The following MSRA variants were observed in gnomAD, a reference collection of about 807,000 sequenced individuals.
MSRA encodes mitochondrial peptide methionine sulfoxide reductase.
In MSRA, 54 loss-of-function variants were observed where a neutral mutation model predicts 31.3. The observed-to-expected ratio is 1.73, with a 90% confidence interval of 1.39 to 2.17. The LOEUF is 2.17. MSRA is among the 30% of genes most tolerant of loss of function. MSRA has a pLI of 0.00. For missense variants in MSRA, 507 were observed against 300.9 expected, an observed-to-expected ratio of 1.69 and a Z score of -5.07; for synonymous variants, 169 against 116.5, an observed-to-expected ratio of 1.45 and a Z score of -2.90.
At chr8:10,333,139 G>A (rs1802803631) in intron 5 of MSRA, among the ~76,000 whole-genome samples, 1 of 152,130 alleles carries the variant, frequency 6.6e-6, no homozygotes, top group African/African-American at 2.4e-5. Context: ...AAATAATCCT[G>A]GCCAACATAG....
intron 5 of MSRA, chr8:10,337,883 A>G (rs1563366942): frequency 1.0e-5 from 7 of 691,454 alleles, no homozygotes; most frequent in Admixed American, 4.1e-5. Flanking sequence ...ACAAATGCAC[A>G]CATTCTTTGT....
intron 1 of MSRA, among the ~76,000 whole-genome samples, chr8:10,179,246 T>G (rs1806328919): frequency 6.6e-6 from 1 of 152,122 alleles, no homozygotes. Context: ...ATTACCCAGT[T>G]TTTTGAAGAA....
At chr8:10,231,911 A>T (rs1156356556) in intron 2 of MSRA, among the ~76,000 whole-genome samples, 1 of 124,456 alleles carries the variant, frequency 8.0e-6, no homozygotes, top group African/African-American at 3.2e-5. Flanking sequence ...TCAAAATAAA[A>T]TAAAAATAAA....
At chr8:10,161,981 C>T (rs562484117) in intron 1 of MSRA, among the ~76,000 whole-genome samples, 4 of 152,170 alleles carry the variant, frequency 2.6e-5, no homozygotes, top group Admixed American at 6.5e-5. Flanking sequence ...TGGTCCTGTG[C>T]GGATCCCAGC....
intron 4 of MSRA, among the ~76,000 whole-genome samples, chr8:10,315,410 CTCTT>C (rs1801656011): frequency 6.6e-6 from 1 of 152,206 alleles, no homozygotes; most frequent in Non-Finnish European, 1.5e-5. Context: ...TGGCTGTACT[CTCTT>C]TCTTGACATT....
intron 5 of MSRA, among the ~76,000 whole-genome samples, chr8:10,342,578 C>T (rs1210282864): frequency 6.6e-6 from 1 of 152,208 alleles, no homozygotes; most frequent in Non-Finnish European, 1.5e-5. Flanking sequence ...GTTCGTCTGC[C>T]TCACAGAGAA....
At chr8:10,196,169 G>C (rs1237890200) in intron 1 of MSRA, among the ~76,000 whole-genome samples, 3 of 152,236 alleles carry the variant, frequency 2.0e-5, no homozygotes, top group Non-Finnish European at 4.4e-5. Context: ...TGTGGTACAT[G>C]CTTAAGGCCG....
intron 1 of MSRA, among the ~76,000 whole-genome samples, chr8:10,192,592 C>A (rs2129053954): frequency 6.6e-6 from 1 of 152,328 alleles, no homozygotes; most frequent in Admixed American, 6.5e-5. Context: ...TGATGAGTAG[C>A]ACAATGTGGA....
intron 1 of MSRA, among the ~76,000 whole-genome samples, chr8:10,115,213 A>G (rs2129015427): frequency 6.6e-6 from 1 of 152,374 alleles, no homozygotes; most frequent in Middle Eastern, 3.4e-3. Context: ...TGACAGCACA[A>G]TAAATTTGAA....
chr8:10,364,625 G>A (rs539732052), intron 5 of MSRA, among the ~76,000 whole-genome samples: 3 of 152,200 alleles, frequency 2.0e-5, no homozygotes, highest in Non-Finnish European at 2.9e-5. Context: ...GGAGGCTGAC[G>A]ATTTGTGGTT....
intron 2 of MSRA, among the ~76,000 whole-genome samples, chr8:10,218,177 C>G (rs1810170586): frequency 6.6e-6 from 1 of 150,730 alleles, no homozygotes; most frequent in African/African-American, 2.4e-5. Context: ...GAAAGAGTCT[C>G]ACTCTGTTGC....
chr8:10,174,383 G>C (rs1222517783), intron 1 of MSRA, among the ~76,000 whole-genome samples: 1 of 152,124 alleles, frequency 6.6e-6, no homozygotes, highest in East Asian at 1.9e-4. Flanking sequence ...GAGGAGCCCA[G>C]GAGGCTTCCC....
intron 3 of MSRA, among the ~76,000 whole-genome samples, chr8:10,267,232 C>A (rs1332219997): frequency 6.6e-6 from 1 of 152,316 alleles, no homozygotes; most frequent in South Asian, 2.1e-4. Flanking sequence ...AATTATGTCT[C>A]TGGACGGCTA....
Position 10,219,805 on chromosome 8 carries a change from C to CAAAAA in MSRA, c.211+11904_211+11905insAAAAA, listed in dbSNP as rs202000887. Among the ~76,000 whole-genome samples, 63 of 46,068 alleles carry CAAAAA rather than the reference C, an allele frequency of 1.4e-3. 3 individuals are homozygous for CAAAAA. Among genetic ancestry groups the CAAAAA allele is most frequent in the African/African-American group, 7.7e-3 (46 of 5,998 alleles). 30.2% of individuals were successfully genotyped at this position (46,068 alleles called of 152,430 possible). On this transcript the variant is annotated intron_variant, in intron 2 of 5. Transcript: ENST00000317173. The stretch of plus-strand genomic sequence containing the variant: ...TGGACGACAGATCGAGACTCTGTCT[C>CAAAAA]CAAAAAAAAAAAAAAAAAAAAAAGA...
At chr8:10,198,087 A>G (rs1011950511) in intron 1 of MSRA, among the ~76,000 whole-genome samples, 6 of 152,036 alleles carry the variant, frequency 3.9e-5, no homozygotes, top group African/African-American at 1.4e-4. Flanking sequence ...ATAGGGGCTA[A>G]CTTTCCTTTT....
intron 2 of MSRA, among the ~76,000 whole-genome samples, chr8:10,211,523 G>C (rs1362820177): frequency 6.6e-6 from 1 of 152,112 alleles, no homozygotes; most frequent in Non-Finnish European, 1.5e-5. Context: ...TTGCAAGCTG[G>C]AAAAGTGGAG....
Position 10,288,236 on chromosome 8 carries a change from C to T in MSRA, c.332-13298C>T, listed in dbSNP as rs78156618. On this transcript the variant is annotated intron_variant, in intron 3 of 5. Coordinates refer to ENST00000317173, the MANE Select transcript of MSRA (RefSeq NM_012331.5). ...TTAGACATTTCTCTCTTGTCTCCCC[C>T]AGTCCCCTTCCATTAAATTTAATAC... 2.0e-3 allele frequency among the ~76,000 whole-genome samples: 302 copies of T among 152,326 alleles called. 2 individuals carry two copies. The highest frequency in any genetic ancestry group is 6.7e-3 in the African/African-American group (279 of 41,576).
intron 1 of MSRA, among the ~76,000 whole-genome samples, chr8:10,084,153 C>T (rs934578359): frequency 6.6e-6 from 1 of 152,228 alleles, no homozygotes; most frequent in South Asian, 2.1e-4. Context: ...ATGGAGTACT[C>T]TCCGACTTGT....
intron 5 of MSRA, among the ~76,000 whole-genome samples, chr8:10,327,867 A>G (rs1802453940): frequency 6.6e-6 from 1 of 152,074 alleles, no homozygotes; most frequent in African/African-American, 2.4e-5. Flanking sequence ...TGGGAGGCGG[A>G]GCTTGCAGTG....
Sources: gnomAD v4.1 joint callset for allele counts (sites outside exome capture counted in the v4.1 genomes callset) on GRCh38, gnomAD v4.1.1 for gene constraint, MANE v1.5 for transcripts, NCBI Gene and HGNC (gene_info 2026-07-23, HGNC 2026-07-21) for gene names.